Variants in ITGB4 observed in about 807,000 individuals in gnomAD.
The protein encoded by ITGB4 is integrin subunit beta 4.
Under a neutral mutation model 207.6 loss-of-function variants are expected in ITGB4, and 159 were observed. The ratio of observed to expected loss-of-function variants is 0.77; its 90% confidence interval spans 0.67 to 0.87. ITGB4 has a LOEUF of 0.87. Ranked by LOEUF, ITGB4 falls within the 40% of genes least tolerant of loss-of-function variation. The pLI is 0.00. For synonymous variants in ITGB4, 1,020 were observed against 1,062.7 expected (o/e 0.96, Z 0.78); for missense variants, 2,278 against 2,546.8 (o/e 0.89, Z 2.27).
Position 75,756,756 on chromosome 17 carries a change from T to C in ITGB4, c.4950T>C (p.Thr1650=), listed in dbSNP as rs1213090182. The change falls in exon 37 of 40, where the codon ACT becomes ACC. Residue 1650 remains threonine (T), a synonymous_variant. Transcript: ENST00000200181. Reference sequence around the variant, plus strand: ...GTGCCCCAGGCCCGCTGGTGTTCACTGCCCTGAGCCCAGACTCGCTGCAGC... The same window carrying C: ...GTGCCCCAGGCCCGCTGGTGTTCACCGCCCTGAGCCCAGACTCGCTGCAGC... ...TPSAPGPLVF[T]ALSPDSLQLS... is the part of the protein sequence containing the mutation. The C allele has an allele frequency of 1.2e-6, 2 of 1,613,042 alleles. No homozygotes were observed. The highest frequency in any genetic ancestry group is 3.3e-5 in the Admixed American group (2 of 60,026).
At position 75,742,571 on chromosome 17, in the gene ITGB4, C is replaced by A. The variant is rs779207950; in HGVS notation, c.2783-11C>A. 1.9e-6 allele frequency: 3 copies of A among 1,613,824 alleles called. No homozygotes were observed. The South Asian group carries it at 3.3e-5, about 18-fold the overall frequency. ...TGACCCACCTCTGACCACCTCCGAA[C>A]CCCCACCCAGACGCCCGGGGCATGG... is the stretch of plus-strand genomic sequence containing the variant. On this transcript the variant is annotated splice_polypyrimidine_tract_variant and intron_variant, in intron 24 of 39. Coordinates refer to ENST00000200181, the MANE Select transcript of ITGB4 (RefSeq NM_000213.5). This position sits in a 1 kb window ranked among gnomAD's most constrained non-coding sequence, Gnocchi z 5.9.
At position 75,742,249 on chromosome 17, in the gene ITGB4, G is replaced by A; in HGVS notation, c.2634-92G>A. The A allele has an allele frequency of 6.7e-7, 1 of 1,500,220 alleles. No individual in the cohort carries two copies. The highest frequency in any genetic ancestry group is 9.2e-7 in the Non-Finnish European group (1 of 1,084,510). 92.9% of individuals were successfully genotyped at this position (1,500,220 alleles called of 1,614,324 possible). ...TGCACTTCTTGCTGTCTTACATCCTGGCCCCTGAAGGGGAGAAGACAGGCA... is the reference window on the plus strand; with the variant it reads ...TGCACTTCTTGCTGTCTTACATCCTAGCCCCTGAAGGGGAGAAGACAGGCA... On this transcript the variant is annotated intron_variant, in intron 23 of 39. Coordinates refer to ENST00000200181, the MANE Select transcript of ITGB4 (RefSeq NM_000213.5). The surrounding 1 kb of genome is among the most constrained non-coding windows in gnomAD (Gnocchi z 5.9).
chr17:75,745,089 C>T (rs984977149), intron 26 of ITGB4, among the ~76,000 whole-genome samples: 7 of 150,802 alleles, frequency 4.6e-5, no homozygotes, highest in Non-Finnish European at 7.4e-5. Context: ...ATGTTGGCAA[C>T]AAATCCATAA....
At chr17:75,724,553 C>T in intron 1 of ITGB4, 141 bp from the exon 2 acceptor site, 1 of 738,860 alleles carries the variant, frequency 1.4e-6, no homozygotes, top group Non-Finnish European at 2.4e-6. Context: ...AGGCCCAGGG[C>T]CCTGCCTCTG....
intron 2 of ITGB4, among the ~76,000 whole-genome samples, chr17:75,726,834 A>G (rs987964259): frequency 3.7e-4 from 57 of 152,254 alleles, no homozygotes; most frequent in African/African-American, 1.3e-3. Flanking sequence ...AGCACTTTGG[A>G]AGGCCAAGGC....
intron 23 of ITGB4, among the ~76,000 whole-genome samples, chr17:75,741,431 C>A (rs1224636918): frequency 6.6e-6 from 1 of 152,056 alleles, no homozygotes; most frequent in Non-Finnish European, 1.5e-5. Flanking sequence ...GAGTCCTGGC[C>A]CTTCATGGGG....
rs2060831334 is a variant in ITGB4, at chr17:75,730,578, C to T, written c.1002+74C>T. The T allele has an allele frequency of 2.9e-5, 30 of 1,026,548 alleles. No homozygotes were observed. In the East Asian group the frequency reaches 7.4e-4, roughly 25 times the overall value. The allele number at this position is 1,026,548 out of a possible 1,614,324, so 63.6% of individuals were successfully genotyped here. A position where few individuals can be genotyped will look rare whatever the true frequency, so the allele number is the denominator to read the frequency against. On this transcript the variant is annotated intron_variant, in intron 8 of 39. Transcript: ENST00000200181. The stretch of plus-strand genomic sequence containing the variant: ...CATGGAGCTTCTCAGACACCTCTCC[C>T]TCCCTCCCTCCCTCCCTCCCTCCCT...
intron 13 of ITGB4, among the ~76,000 whole-genome samples, chr17:75,735,472 G>A (rs1475117445): frequency 6.9e-6 from 1 of 145,798 alleles, no homozygotes; most frequent in Non-Finnish European, 1.5e-5. Flanking sequence ...GAGTGCAGTG[G>A]CGTGATCTCG....
Position 75,740,105 on chromosome 17 carries a change from A to G in ITGB4, c.2446+34A>G. 1.9e-6 allele frequency: 3 copies of G among 1,588,044 alleles called. No homozygotes were observed. Among genetic ancestry groups the G allele is most frequent in the Non-Finnish European group, 2.6e-6 (3 of 1,166,598 alleles). Reference sequence around the variant, plus strand: ...GGGGCTGGGCGCCACAGCTCTGGGCAGTGCCCTTCGGGCCCTCTGTTCCAG... The same window carrying G: ...GGGGCTGGGCGCCACAGCTCTGGGCGGTGCCCTTCGGGCCCTCTGTTCCAG... On this transcript the variant is annotated intron_variant, in intron 20 of 39. Coordinates refer to ENST00000200181, the MANE Select transcript of ITGB4 (RefSeq NM_000213.5). This position sits in a 1 kb window ranked among gnomAD's most constrained non-coding sequence, Gnocchi z 5.9.
chr17:75,728,311 G>T (rs936964631), intron 5 of ITGB4, 66 bp from the exon 6 acceptor site: 1 of 1,377,972 alleles, frequency 7.3e-7, no homozygotes, highest in Non-Finnish European at 1.0e-6. Context: ...AGCCCTTGGT[G>T]GGGGGCCCGT....
Position 75,729,372 on chromosome 17 carries a change from T to C in ITGB4, c.674T>C (p.Ile225Thr), listed in dbSNP as rs1397833389. Reference sequence around the variant, plus strand: ...CGGAATAAACTGCAGGGAGAGCGGATCTCAGGCAACCTGGATGCTCCTGAG... The same window carrying C: ...CGGAATAAACTGCAGGGAGAGCGGACCTCAGGCAACCTGGATGCTCCTGAG... ...EFRNKLQGER[I>T]SGNLDAPEGG... Residue 225 changes from isoleucine (I) to threonine (T), a missense_variant, in exon 7 of 40, where the codon ATC becomes ACC. By Grantham distance (89) the Ile-to-Thr change is moderately conservative. Coordinates refer to ENST00000200181, the MANE Select transcript of ITGB4 (RefSeq NM_000213.5). The surrounding 1 kb of genome is among the most constrained non-coding windows in gnomAD (Gnocchi z 4.4). The C allele has an allele frequency of 5.6e-6, 9 of 1,614,016 alleles. No individual in the cohort carries two copies. The highest frequency in any genetic ancestry group is 7.6e-6 in the Non-Finnish European group (9 of 1,180,026).
intron 30 of ITGB4, 150 bp from the exon 31 acceptor site, chr17:75,752,024 A>C: frequency 1.2e-6 from 1 of 846,186 alleles, no homozygotes; most frequent in South Asian, 1.3e-5. Context: ...AGGGCTCCGC[A>C]GGCGGCAATT....
chr17:75,753,734 G>A, intron 32 of ITGB4, 31 bp from the exon 33 acceptor site: 1 of 1,362,856 alleles, frequency 7.3e-7, no homozygotes, highest in Non-Finnish European at 9.5e-7. Flanking sequence ...GCCCCCCGGC[G>A]GTGCCAACGC....
At position 75,740,106 on chromosome 17, in the gene ITGB4, G is replaced by A. The variant is rs2061072422; in HGVS notation, c.2446+35G>A. Reference sequence around the variant, plus strand: ...GGGCTGGGCGCCACAGCTCTGGGCAGTGCCCTTCGGGCCCTCTGTTCCAGA... The same window carrying A: ...GGGCTGGGCGCCACAGCTCTGGGCAATGCCCTTCGGGCCCTCTGTTCCAGA... On this transcript the variant is annotated intron_variant, in intron 20 of 39. Transcript: ENST00000200181. This position sits in a 1 kb window ranked among gnomAD's most constrained non-coding sequence, Gnocchi z 5.9. 1 of 1,582,770 alleles carries A rather than the reference G, an allele frequency of 6.3e-7. No individual in the cohort carries two copies. The highest frequency in any genetic ancestry group is 8.6e-7 in the Non-Finnish European group (1 of 1,163,460).
At chr17:75,749,475 C>T (rs545429748) in intron 27 of ITGB4, among the ~76,000 whole-genome samples, 1 of 152,324 alleles carries the variant, frequency 6.6e-6, no homozygotes, top group East Asian at 1.9e-4. Flanking sequence ...CCGCAGCAAG[C>T]TGTGATCGCA....
rs1269435681 is a variant in ITGB4 at position 75,753,910 on chromosome 17, C to CGACGGCGGCGCGGGCGGGAAG, written c.4256_4276dup (p.Asp1419_Lys1425dup). ...CCGAGGCGCCCCACGGGCCCCCGGA[C>CGACGGCGGCGCGGGCGGGAAG]GACGGCGGCGCGGGCGGGAAGGGCG... is the stretch of plus-strand genomic sequence containing the variant. On this transcript the variant is annotated inframe_insertion, in exon 33 of 40. Transcript: ENST00000200181. 263 of 1,288,334 alleles carry CGACGGCGGCGCGGGCGGGAAG rather than the reference C, an allele frequency of 2.0e-4. No homozygotes were observed. The highest frequency in any genetic ancestry group is 3.0e-4 in the Middle Eastern group (1 of 3,360). The allele number at this position is 1,288,334 out of a possible 1,614,324, so 79.8% of individuals were successfully genotyped here.
At chr17:75,746,627 A>G (rs1268849320) in intron 26 of ITGB4, among the ~76,000 whole-genome samples, 1 of 150,616 alleles carries the variant, frequency 6.6e-6, no homozygotes, top group Non-Finnish European at 1.5e-5. Flanking sequence ...CCTTCTGGCT[A>G]CCCTGTTACA....
In ITGB4 at chr17:75,748,955, GT is replaced by G; in HGVS notation, c.3227del (p.Val1076AlafsTer84). 1 of 1,613,414 alleles carries G rather than the reference GT, an allele frequency of 6.2e-7. No homozygotes were observed. The highest frequency in any genetic ancestry group is 8.5e-7 in the Non-Finnish European group (1 of 1,179,976). ...EVDSLLRGRQVRRFHVQLSNP... is the reference protein window; with the variant it reads ...EVDSLLRGRQXRRFHVQLSNP... ...TGACTCCCTCCTGCGGGGCCGCCAG[GT>G]CCGCCGTTTCCACGTCCAGCTCAGC... is the stretch of plus-strand genomic sequence containing the variant. On this transcript the variant is annotated frameshift_variant, in exon 27 of 40. Coordinates refer to ENST00000200181, the MANE Select transcript of ITGB4 (RefSeq NM_000213.5). LOFTEE classifies it high-confidence loss of function.
At position 75,736,692 on chromosome 17, in the gene ITGB4, G is replaced by A. The variant is rs2060985043; in HGVS notation, c.1988G>A (p.Arg663Lys). 3.1e-6 allele frequency: 5 copies of A among 1,594,218 alleles called. No homozygotes were observed. In the South Asian group the frequency reaches 5.7e-5, roughly 18 times the overall value. ...FKVKMVDELK[R>K]AEEVVVRCSF... ...GTCAAGATGGTGGACGAGCTTAAGA[G>A]AGGTAGGGGCAGGGGCTGAGGGTTG... The change falls in exon 16 of 40, where the codon AGA (arginine) becomes AAA (lysine). Residue 663 changes from arginine to lysine, a missense_variant and splice_region_variant. Coordinates refer to ENST00000200181, the MANE Select transcript of ITGB4 (RefSeq NM_000213.5).
Sources: allele counts gnomAD v4.1 joint callset (sites outside exome capture counted in the v4.1 genomes callset), GRCh38; gene constraint gnomAD v4.1.1; non-coding constraint Gnocchi (gnomAD v3.1); transcripts MANE v1.5; gene names NCBI Gene and HGNC (gene_info 2026-07-23, HGNC 2026-07-21).